Variants in PBX3 observed in about 807,000 individuals in gnomAD.
The protein encoded by PBX3 is PBX homeobox 3.
Under a neutral mutation model 48.5 loss-of-function variants are expected in PBX3, and 14 were observed. The observed-to-expected ratio is 0.29, with a 90% CI of 0.19 to 0.45. The LOEUF is 0.45. Ranked by LOEUF, PBX3 falls within the 20% of genes least tolerant of loss-of-function variation. The pLI is 1.00. For missense variants in PBX3, 386 were observed against 546.7 expected (o/e 0.71, Z 2.93); for synonymous variants, 210 against 200.3 (o/e 1.05, Z -0.41).
chr9:125,802,646 G>A (rs1837992716), intron 2 of PBX3, among the ~76,000 whole-genome samples: 2 of 150,376 alleles, frequency 1.3e-5, no homozygotes, highest in South Asian at 4.2e-4. Flanking sequence ...TGGGATTATA[G>A]GCATTAGCAA....
chr9:125,899,450 TATATAGAGAGAGAG>T (rs1396937994), intron 2 of PBX3, among the ~76,000 whole-genome samples: 51 of 79,334 alleles, frequency 6.4e-4, no homozygotes, highest in African/African-American at 2.8e-3. Flanking sequence ...TGTATATATA[TATATAGAGAGAGAG>T]AGAGAGAGAG....
intron 3 of PBX3, among the ~76,000 whole-genome samples, chr9:125,918,906 G>A (rs1364972045): frequency 1.3e-5 from 2 of 152,140 alleles, no homozygotes; most frequent in Non-Finnish European, 2.9e-5. Flanking sequence ...ATGCTTTGGC[G>A]TTACAAGAAG....
intron 2 of PBX3, among the ~76,000 whole-genome samples, chr9:125,874,697 G>T (rs1012991660): frequency 6.6e-6 from 1 of 152,098 alleles, no homozygotes; most frequent in African/African-American, 2.4e-5. Flanking sequence ...CTAAGTGTTG[G>T]CAAGAATGAG....
In PBX3 at chr9:125,913,347, AT is replaced by A. The variant is rs1304034374; in HGVS notation, c.275-2333del. On this transcript the variant is annotated intron_variant, in intron 2 of 8. Transcript: ENST00000373489. ...TTACTGATAATTTTAGAAATAAGATATTTTTTCATTATAAGAGTAAAACGTT... is the reference window on the plus strand; with the variant it reads ...TTACTGATAATTTTAGAAATAAGATATTTTTCATTATAAGAGTAAAACGTT... 2.0e-5 allele frequency among the ~76,000 whole-genome samples: 3 copies of A among 152,154 alleles called. No homozygotes were observed. The East Asian group carries it at 5.8e-4, about 29-fold the overall frequency.
At chr9:125,839,361 C>T (rs1839224542) in intron 2 of PBX3, among the ~76,000 whole-genome samples, 1 of 152,166 alleles carries the variant, frequency 6.6e-6, no homozygotes, top group Non-Finnish European at 1.5e-5. Context: ...GAGGACTATA[C>T]TCAGATTCAG....
intron 2 of PBX3, among the ~76,000 whole-genome samples, chr9:125,771,065 A>G (rs1403581700): frequency 1.3e-5 from 2 of 152,192 alleles, no homozygotes; most frequent in African/African-American, 2.4e-5. Context: ...TTGGGAAGAT[A>G]TATGTGTTGG....
intron 2 of PBX3, among the ~76,000 whole-genome samples, chr9:125,872,937 C>T (rs1279670513): frequency 3.3e-5 from 5 of 151,534 alleles, no homozygotes; most frequent in East Asian, 1.9e-4. Context: ...CGGTGGCTCA[C>T]GTCTGTAATC....
At chr9:125,940,737 A>G (rs1841943627) in intron 5 of PBX3, among the ~76,000 whole-genome samples, 1 of 152,240 alleles carries the variant, frequency 6.6e-6, no homozygotes, top group Non-Finnish European at 1.5e-5. Flanking sequence ...TTTCATTTAT[A>G]AAAAATGGAA....
intron 2 of PBX3, among the ~76,000 whole-genome samples, chr9:125,780,395 G>T: frequency 8.6e-6 from 1 of 115,674 alleles, no homozygotes; most frequent in East Asian, 3.2e-4. Flanking sequence ...CAGACGGGGC[G>T]GCTGGCCGGG....
chr9:125,839,257 A>G (rs558551576), intron 2 of PBX3, among the ~76,000 whole-genome samples: 1 of 152,352 alleles, frequency 6.6e-6, no homozygotes, highest in South Asian at 2.1e-4. Flanking sequence ...TAGATATGTT[A>G]CTACTATTAA....
At chr9:125,854,619 C>T (rs1839672626) in intron 2 of PBX3, among the ~76,000 whole-genome samples, 1 of 152,114 alleles carries the variant, frequency 6.6e-6, no homozygotes, top group Non-Finnish European at 1.5e-5. Flanking sequence ...GTGTTTCATT[C>T]ATCTTACTCA....
intron 2 of PBX3, among the ~76,000 whole-genome samples, chr9:125,774,209 T>C (rs1242268485): frequency 6.6e-6 from 1 of 152,094 alleles, no homozygotes; most frequent in East Asian, 1.9e-4. Flanking sequence ...TACACACTTT[T>C]AACAACCAGA....
intron 2 of PBX3, among the ~76,000 whole-genome samples, chr9:125,870,533 A>G (rs1291037408): frequency 1.3e-5 from 2 of 152,182 alleles, no homozygotes; most frequent in African/African-American, 4.8e-5. Flanking sequence ...CTTATTTACT[A>G]TCATGAGAGC....
intron 2 of PBX3, among the ~76,000 whole-genome samples, chr9:125,788,358 T>G (rs1213478122): frequency 6.6e-6 from 1 of 152,224 alleles, no homozygotes; most frequent in Non-Finnish European, 1.5e-5. Flanking sequence ...GTGCTCAATG[T>G]TACAGTAAAG....
At chr9:125,753,106 T>C (rs1836419200) in intron 2 of PBX3, among the ~76,000 whole-genome samples, 2 of 152,142 alleles carry the variant, frequency 1.3e-5, no homozygotes, top group African/African-American at 4.8e-5. Context: ...CAAAATTATT[T>C]TGAAGCAAAT....
At chr9:125,902,018 G>T (rs2132425601) in intron 2 of PBX3, among the ~76,000 whole-genome samples, 1 of 151,514 alleles carries the variant, frequency 6.6e-6, no homozygotes, top group South Asian at 2.1e-4. Context: ...GTTTCTTGAA[G>T]AAGCTGCTTT....
rs1289688094 is a variant in PBX3 at position 125,830,162 on chromosome 9, A to T, written c.274+81539A>T. On this transcript the variant is annotated intron_variant, in intron 2 of 8. Transcript: ENST00000373489. ...AGCGTTATTTTTTGCTATCTAAAGC[A>T]TACGTAATATGAGCATTCAACTGAT... Among the ~76,000 whole-genome samples, 6 of 152,360 alleles carry T rather than the reference A, an allele frequency of 3.9e-5. No individual in the cohort carries two copies. The East Asian group carries it at 1.2e-3, about 29-fold the overall frequency.
intron 3 of PBX3, among the ~76,000 whole-genome samples, chr9:125,927,330 A>G (rs991146653): frequency 1.3e-5 from 2 of 152,248 alleles, no homozygotes; most frequent in African/African-American, 4.8e-5. Flanking sequence ...CTTAAAACAT[A>G]TTTTTGAAAA....
At chr9:125,781,943 T>A (rs1173208233) in intron 2 of PBX3, among the ~76,000 whole-genome samples, 2 of 152,214 alleles carry the variant, frequency 1.3e-5, no homozygotes, top group African/African-American at 4.8e-5. Flanking sequence ...TTACCTTCTT[T>A]TGTGTTTGCG....
Sources: gnomAD v4.1 joint callset for allele counts (sites outside exome capture counted in the v4.1 genomes callset) on GRCh38, gnomAD v4.1.1 for gene constraint, MANE v1.5 for transcripts, NCBI Gene and HGNC (gene_info 2026-07-23, HGNC 2026-07-21) for gene names.